EDARADD: variants seen among roughly 807,000 people sequenced by gnomAD.
The protein encoded by EDARADD is EDAR associated via death domain, also known as ectodysplasin-A receptor-associated adapter protein.
EDARADD carries 20 observed loss-of-function variants against 25.6 expected under a neutral mutation model. The ratio of observed to expected loss-of-function variants is 0.78; its 90% CI spans 0.55 to 1.14. The LOEUF (loss-of-function observed/expected upper bound fraction) is 1.14, where lower values mean the gene tolerates loss of function less well. EDARADD is among the 50% of genes most tolerant of loss of function. The pLI, the probability that EDARADD is intolerant of heterozygous loss-of-function variation, is 0.00. For synonymous variants in EDARADD, 86 were observed against 94.4 expected (o/e 0.91, Z 0.52); for missense variants, 225 against 270.1 (o/e 0.83, Z 1.17).
At chr1:236,357,992 C>G (rs1286928190) in intron 3 of EDARADD, among the ~76,000 whole-genome samples, 1 of 152,042 alleles carries the variant, frequency 6.6e-6, no homozygotes, top group Non-Finnish European at 1.5e-5. Context: ...CCTGCCTCAG[C>G]CTCCTGAATA....
chr1:236,403,453 A>G (rs541446787), intron 1 of EDARADD, among the ~76,000 whole-genome samples: 1 of 150,126 alleles, frequency 6.7e-6, no homozygotes. Flanking sequence ...ATGCCCGGCT[A>G]ATTTTTTGTA....
At chr1:236,441,597 C>A (rs947416924) in intron 4 of EDARADD, among the ~76,000 whole-genome samples, 5 of 150,874 alleles carry the variant, frequency 3.3e-5, no homozygotes, top group Non-Finnish European at 7.4e-5. Flanking sequence ...GATCTCCGCT[C>A]ACTGCAACCT....
intron 3 of EDARADD, among the ~76,000 whole-genome samples, chr1:236,424,101 G>A (rs562325057): frequency 4.0e-5 from 6 of 148,366 alleles, no homozygotes; most frequent in South Asian, 4.3e-4. Flanking sequence ...ACAAGACTCC[G>A]TCTCAAAAAA....
At chr1:236,355,500 C>CTTTTTTTTTTTTTTTTTTTTT (rs563976436) in intron 3 of EDARADD, among the ~76,000 whole-genome samples, 2 of 73,142 alleles carry the variant, frequency 2.7e-5, no homozygotes. Context: ...GCTTCTTCTT[C>CTTTTTTTTTTTTTTTTTTTTT]TTTTTTTTTT....
intron 2 of EDARADD, among the ~76,000 whole-genome samples, chr1:236,349,319 G>A (rs601065): frequency 0.35 from 52,668 of 151,840 alleles, 9,400 homozygotes; most frequent in African/African-American, 0.43. Context: ...GACTACAGGC[G>A]TGTTGCCCAA....
At chr1:236,466,917 A>G (rs1659208360) in intron 4 of EDARADD, among the ~76,000 whole-genome samples, 1 of 152,214 alleles carries the variant, frequency 6.6e-6, no homozygotes. Flanking sequence ...AAATACAAAA[A>G]TTAGCCAGGC....
chr1:236,408,682 G>A (rs571971276), intron 1 of EDARADD, among the ~76,000 whole-genome samples: 2 of 152,034 alleles, frequency 1.3e-5, no homozygotes, highest in Non-Finnish European at 2.9e-5. Flanking sequence ...GCTCAAGGTT[G>A]TAGTGAGCTA....
chr1:236,356,598 A>G (rs951540317), intron 3 of EDARADD, among the ~76,000 whole-genome samples: 1 of 152,186 alleles, frequency 6.6e-6, no homozygotes, highest in Non-Finnish European at 1.5e-5. Context: ...GTTAAAAACA[A>G]TGGTGGGTAA....
Position 236,395,359 on chromosome 1 carries a change from C to T in EDARADD, c.61+854C>T, listed in dbSNP as rs982804467. Reference sequence around the variant, plus strand: ...AGCCCCGGGTCGCGGCACCCCGGCTCCCGCCCCGCGCCTCTGGAGGGAGGT... The same window carrying T: ...AGCCCCGGGTCGCGGCACCCCGGCTTCCGCCCCGCGCCTCTGGAGGGAGGT... On this transcript the variant is annotated intron_variant, in intron 1 of 5. Transcript: ENST00000334232. This position sits in a 1 kb window ranked among gnomAD's most constrained non-coding sequence, Gnocchi z 6.9. 3.1e-5 allele frequency: 41 copies of T among 1,341,616 alleles called. No individual in the cohort carries two copies. In the Admixed American group the frequency reaches 9.2e-4, roughly 30 times the overall value. 83.1% of individuals were successfully genotyped at this position (1,341,616 alleles called of 1,614,324 possible).
intron 5 of EDARADD, among the ~76,000 whole-genome samples, chr1:236,474,917 G>C (rs1421841538): frequency 2.0e-5 from 3 of 152,200 alleles, no homozygotes; most frequent in Non-Finnish European, 2.9e-5. Context: ...TGGATCACTT[G>C]AGGATGGGCG....
chr1:236,355,579 G>A (rs1336530476), intron 3 of EDARADD, among the ~76,000 whole-genome samples: 1 of 134,540 alleles, frequency 7.4e-6, no homozygotes, highest in Non-Finnish European at 1.5e-5. Flanking sequence ...GCACGATCTC[G>A]GCTCACTGCA....
In EDARADD at chr1:236,484,186, T is replaced by A; in HGVS notation, c.*1537T>A. The A allele has an allele frequency of 8.8e-7, 1 of 1,139,498 alleles. No homozygotes were observed. The highest frequency in any genetic ancestry group is 1.3e-6 in the Non-Finnish European group (1 of 747,782). 70.6% of individuals were successfully genotyped at this position (1,139,498 alleles called of 1,614,324 possible). On this transcript the variant is annotated 3_prime_UTR_variant, in exon 6 of 6. Coordinates refer to ENST00000334232, the MANE Select transcript of EDARADD (RefSeq NM_145861.4). The surrounding 1 kb of genome is among the most constrained non-coding windows in gnomAD (Gnocchi z 4.1). ...AATGAGAAGAAGTGCAACTGCCTCC[T>A]GCTCAAAGTGAACCAGATTCGCTCT...
intron 1 of EDARADD, among the ~76,000 whole-genome samples, 163 bp downstream of exon 1, chr1:236,394,668 G>T (rs1253474133): frequency 6.6e-6 from 1 of 152,182 alleles, no homozygotes; most frequent in African/African-American, 2.4e-5. Context: ...GGCAGAGAAA[G>T]ATTATTTAGA....
chr1:236,413,621 C>T (rs746385457), intron 2 of EDARADD, among the ~76,000 whole-genome samples: 1 of 152,032 alleles, frequency 6.6e-6, no homozygotes, highest in African/African-American at 2.4e-5. Flanking sequence ...AATAAGTTTC[C>T]GGAACTTTAG....
intron 3 of EDARADD, among the ~76,000 whole-genome samples, chr1:236,362,832 C>A (rs1028478594): frequency 2.7e-5 from 4 of 150,548 alleles, no homozygotes; most frequent in African/African-American, 9.8e-5. Context: ...GTGCCCTTAC[C>A]AAAAACCTAT....
upstream of EDARADD, among the ~76,000 whole-genome samples, chr1:236,392,550 A>T (rs1667439393): frequency 6.7e-6 from 1 of 149,906 alleles, no homozygotes; most frequent in South Asian, 2.1e-4. Context: ...GCAGTGGCAC[A>T]ATCTCAGCTC....
rs187483117 is a variant in EDARADD, at chr1:236,472,593, A to G, written c.265+4317A>G. On this transcript the variant is annotated intron_variant, in intron 5 of 5. Coordinates refer to ENST00000334232, the MANE Select transcript of EDARADD (RefSeq NM_145861.4). The stretch of plus-strand genomic sequence containing the variant: ...ACCCAGGCTGGAGTGCAGTGGCGCA[A>G]TCTCAGCTCACTGCAACCTCTGCCT... Among the ~76,000 whole-genome samples the G allele has an allele frequency of 5.0e-4, 76 of 152,314 alleles. No homozygotes were observed. In the East Asian group the frequency reaches 0.014, roughly 28 times the overall value.
rs137921022 is a variant in EDARADD, at chr1:236,450,486, C to A, written c.220-17745C>A. Reference sequence around the variant, plus strand: ...AATTTGATGTGATCAAATGAATAATCATTATTAATTAAAAATTTTAAGGCC... The same window carrying A: ...AATTTGATGTGATCAAATGAATAATAATTATTAATTAAAAATTTTAAGGCC... On this transcript the variant is annotated intron_variant, in intron 4 of 5. Transcript: ENST00000334232. Among the ~76,000 whole-genome samples the A allele has an allele frequency of 7.2e-3, 1,096 of 151,756 alleles. 3 individuals are homozygous for A. Among genetic ancestry groups the A allele is most frequent in the Non-Finnish European group, 0.011 (723 of 67,954 alleles).
intron 1 of EDARADD, among the ~76,000 whole-genome samples, chr1:236,405,822 T>TTTCCTCCC (rs1667711908): frequency 3.6e-5 from 2 of 55,478 alleles, no homozygotes; most frequent in Non-Finnish European, 6.7e-5. Flanking sequence ...CCTTCCTTCC[T>TTTCCTCCC]TTCCTTCCTT....
Sources: allele counts gnomAD v4.1 joint callset (sites outside exome capture counted in the v4.1 genomes callset), GRCh38; gene constraint gnomAD v4.1.1; non-coding constraint Gnocchi (gnomAD v3.1); transcripts MANE v1.5; gene names NCBI Gene and HGNC (gene_info 2026-07-23, HGNC 2026-07-21).